DIPK2B: variants seen among roughly 807,000 people sequenced by gnomAD.
The protein encoded by DIPK2B is UPF0672 protein CXorf36.
Under a neutral mutation model 22.2 loss-of-function variants are expected in DIPK2B, and 15 were observed. That is an observed-to-expected ratio of 0.68 (90% CI 0.45 to 1.04). The LOEUF (loss-of-function observed/expected upper bound fraction) is 1.04. DIPK2B is among the 50% of genes least tolerant of loss of function. DIPK2B has a pLI of 0.00. For missense variants in DIPK2B, 345 were observed against 348.3 expected (o/e 0.99, Z 0.08); for synonymous variants, 163 against 153.2 (o/e 1.06, Z -0.47).
At position 45,191,834 on chromosome X, in the gene DIPK2B, A is replaced by G; in HGVS notation, c.415T>C (p.Cys139Arg). ...ICASASAPKT[C>R]SIERVLRKTE... ...TTCCGCAGGACACGCTCAATGCTGC[A>G]GGTCTTTGGGGCTGATGCAGAGGCA... The change falls in exon 2 of 5, where the codon TGC (cysteine) becomes CGC (arginine). Residue 139 changes from cysteine (C) to arginine (R), a missense_variant. Transcript: ENST00000398000. The G allele has an allele frequency of 8.3e-7, 1 of 1,212,005 alleles. No homozygotes were observed. Among genetic ancestry groups the G allele is most frequent in the South Asian group, 1.8e-5 (1 of 57,015 alleles).
chrX:45,161,386 A>G (rs763200173), intron 2 of DIPK2B, among the ~76,000 whole-genome samples: 2 of 112,186 alleles, frequency 1.8e-5, no homozygotes, highest in African/African-American at 3.2e-5. Context: ...TACAGAAAAT[A>G]CAAAAACTAG....
intron 1 of DIPK2B, among the ~76,000 whole-genome samples, chrX:45,192,277 T>C (rs752953720): frequency 1.8e-5 from 2 of 112,014 alleles, no homozygotes; most frequent in East Asian, 5.6e-4. Flanking sequence ...AGACTAGCCA[T>C]AGCTCTCTGA....
intron 2 of DIPK2B, among the ~76,000 whole-genome samples, chrX:45,165,372 A>C (rs2047042696): frequency 9.0e-6 from 1 of 111,249 alleles, no homozygotes; most frequent in African/African-American, 3.3e-5. Flanking sequence ...CTTCAAAACC[A>C]CTCTAATGAA....
At chrX:45,156,593 G>A (rs2046997142) in intron 3 of DIPK2B, among the ~76,000 whole-genome samples, 1 of 111,706 alleles carries the variant, frequency 9.0e-6, no homozygotes, top group African/African-American at 3.3e-5. Flanking sequence ...GCAGGCAGAT[G>A]GCTCTGCATT....
At chrX:45,163,623 A>G in intron 2 of DIPK2B, 4 of 754,266 alleles carry the variant, frequency 5.3e-6, no homozygotes, top group Non-Finnish European at 6.3e-6. Context: ...GGAAACATAA[A>G]AGATAGATAG....
At chrX:45,155,458 A>G (rs2046988666) in intron 3 of DIPK2B, among the ~76,000 whole-genome samples, 1 of 107,170 alleles carries the variant, frequency 9.3e-6, no homozygotes, top group South Asian at 4.0e-4. Flanking sequence ...ATATTTATAT[A>G]AAAATAAAAC....
At chrX:45,189,561 C>T (rs762124513) in intron 2 of DIPK2B, among the ~76,000 whole-genome samples, 12 of 111,550 alleles carry the variant, frequency 1.1e-4, no homozygotes, top group Non-Finnish European at 2.3e-4. Flanking sequence ...TGCACTGAGC[C>T]GAGATGGCGC....
chrX:45,150,120 G>A lies in DIPK2B; in HGVS notation c.*1532C>T, dbSNP rs1344150063. On this transcript the variant is annotated 3_prime_UTR_variant, in exon 5 of 5. Coordinates refer to ENST00000398000, the MANE Select transcript of DIPK2B (RefSeq NM_176819.4). ...TGGTCTTGAACTACTGATGTCAAGT[G>A]ATCCACCCACCTCAGCCTCCCAAAG... 2 of 111,931 alleles carry A rather than the reference G, an allele frequency of 1.8e-5. No homozygotes were observed. The highest frequency in any genetic ancestry group is 3.3e-5 in the African/African-American group (1 of 30,724). 9.2% of individuals were successfully genotyped at this position (111,931 alleles called of 1,213,427 possible). A position where few individuals can be genotyped will look rare whatever the true frequency, so the allele number is the denominator to read the frequency against.
Position 45,171,500 on chromosome X carries a change from C to T in DIPK2B, c.499-13612G>A, listed in dbSNP as rs755599831. Among the ~76,000 whole-genome samples the T allele has an allele frequency of 3.6e-5, 4 of 111,322 alleles. No homozygotes were observed. The Admixed American group carries it at 3.8e-4, about 11-fold the overall frequency. Reference sequence around the variant, plus strand: ...CTGCTCAAGTGTGAGAACCACTGTCCTACAGAATGAAGTTTAGCTCCCCAC... The same window carrying T: ...CTGCTCAAGTGTGAGAACCACTGTCTTACAGAATGAAGTTTAGCTCCCCAC... On this transcript the variant is annotated intron_variant, in intron 2 of 4. Transcript: ENST00000398000.
At chrX:45,187,192 G>T (rs1419346910) in intron 2 of DIPK2B, among the ~76,000 whole-genome samples, 1 of 111,711 alleles carries the variant, frequency 9.0e-6, no homozygotes, top group Non-Finnish European at 1.9e-5. Context: ...ATGGGAGCGG[G>T]ACACAGTGGA....
At chrX:45,170,909 GAGAGC>G (rs1480748641) in intron 2 of DIPK2B, among the ~76,000 whole-genome samples, 50 of 112,272 alleles carry the variant, frequency 4.5e-4, no homozygotes, top group African/African-American at 1.5e-3. Context: ...ACACTTCCAT[GAGAGC>G]AGGTGCTGTG....
rs1351504567 is a variant in DIPK2B, at chrX:45,187,304, A to G, written c.498+4447T>C. ...AAGCCTTCTTTGTGGTTTTGTGAAC[A>G]AGCACCTTATCATAAACTCTGAGCA... is the stretch of plus-strand genomic sequence containing the variant. On this transcript the variant is annotated intron_variant, in intron 2 of 4. Coordinates refer to ENST00000398000, the MANE Select transcript of DIPK2B (RefSeq NM_176819.4). Among the ~76,000 whole-genome samples, 3 of 112,364 alleles carry G rather than the reference A, an allele frequency of 2.7e-5. No homozygotes were observed. The South Asian group carries it at 1.1e-3, about 41-fold the overall frequency.
rs1485497621 is a variant in DIPK2B at position 45,150,586 on chromosome X, G to C, written c.*1066C>G. 9.0e-6 allele frequency: 1 copy of C among 110,961 alleles called. No individual in the cohort carries two copies. The highest frequency in any genetic ancestry group is 1.9e-5 in the Non-Finnish European group (1 of 53,021). 9.1% of individuals were successfully genotyped at this position (110,961 alleles called of 1,213,427 possible). On this transcript the variant is annotated 3_prime_UTR_variant, in exon 5 of 5. Coordinates refer to ENST00000398000, the MANE Select transcript of DIPK2B (RefSeq NM_176819.4). ...AAGATCTCCTGCTCTAGGGAGCGGG[G>C]CTGACCAGGGACCCCTGCTGCTGTG...
chrX:45,195,335 C>T (rs780672427), intron 1 of DIPK2B, among the ~76,000 whole-genome samples: 23 of 111,229 alleles, frequency 2.1e-4, no homozygotes, highest in Admixed American at 2.0e-3. Flanking sequence ...AGCAGAATTA[C>T]AGTTTCTCAG....
intron 4 of DIPK2B, among the ~76,000 whole-genome samples, chrX:45,153,475 T>A (rs189037163): frequency 7.2e-4 from 11 of 15,211 alleles, no homozygotes; most frequent in African/African-American, 4.9e-3. Context: ...CCAAAAGTTT[T>A]GTGTGTGTGT....
chrX:45,182,693 G>T (rs2047161814), intron 2 of DIPK2B, among the ~76,000 whole-genome samples: 1 of 113,343 alleles, frequency 8.8e-6, no homozygotes, highest in South Asian at 3.5e-4. Context: ...TTCACACACT[G>T]CAGTGAAAAA....
chrX:45,182,790 T>C (rs2148346459), intron 2 of DIPK2B, among the ~76,000 whole-genome samples: 1 of 112,860 alleles, frequency 8.9e-6, no homozygotes, highest in Non-Finnish European at 1.9e-5. Flanking sequence ...TAAATGAAGT[T>C]CAAAAACAGG....
rs2046954324 is a variant in DIPK2B, at chrX:45,150,485, C to G, written c.*1167G>C. On this transcript the variant is annotated 3_prime_UTR_variant, in exon 5 of 5. Transcript: ENST00000398000. ...AAAATTCCTAGACTCCTTAGAGTCC[C>G]AACTCGGAGCATGCGGTGTGGAGAG... is the stretch of plus-strand genomic sequence containing the variant. 1 of 111,914 alleles carries G rather than the reference C, an allele frequency of 8.9e-6. No homozygotes were observed. The highest frequency in any genetic ancestry group is 3.8e-4 in the South Asian group (1 of 2,661). 9.2% of individuals were successfully genotyped at this position (111,914 alleles called of 1,213,427 possible). A position where few individuals can be genotyped will look rare whatever the true frequency, so the allele number is the denominator to read the frequency against.
intron 2 of DIPK2B, among the ~76,000 whole-genome samples, chrX:45,176,162 T>C (rs1434399566): frequency 2.7e-5 from 3 of 110,044 alleles, no homozygotes; most frequent in Admixed American, 9.7e-5. Context: ...AACAAAAAGG[T>C]AGGGGGCATA....
Sources: allele counts gnomAD v4.1 joint callset (sites outside exome capture counted in the v4.1 genomes callset), GRCh38; gene constraint gnomAD v4.1.1; transcripts MANE v1.5; gene names NCBI Gene and HGNC (gene_info 2026-07-23, HGNC 2026-07-21).